Variants in PI16 observed in about 807,000 individuals in gnomAD.
The protein encoded by PI16 is PSP94-binding protein.
PI16 carries 35 observed loss-of-function variants against 38.0 expected under a neutral mutation model. The ratio of observed to expected loss-of-function variants is 0.92; its 90% CI spans 0.70 to 1.22. PI16 has a LOEUF of 1.22. Ranked by LOEUF, PI16 falls within the 50% of genes most tolerant of loss-of-function variation. The probability of loss-of-function intolerance (pLI) is 0.00; values close to 1 mark genes in which losing one functional copy is unlikely to be tolerated. For synonymous variants in PI16, 275 were observed against 252.9 expected (o/e 1.09, Z -0.83); for missense variants, 572 against 593.8 (o/e 0.96, Z 0.38).
Position 36,963,195 on chromosome 6 carries a change from A to G in PI16, c.853A>G (p.Thr285Ala). ...GGCAACAGAGGCTCCACCTTGCGTA[A>G]CAACTGAGGTCCCTTCCATTTTGGC... is the stretch of plus-strand genomic sequence containing the variant. The part of the protein sequence containing the change: ...SMATEAPPCV[T>A]TEVPSILAAH... Residue 285 changes from threonine (T) to alanine (A), a missense_variant, in exon 5 of 7, where the codon ACA becomes GCA. Transcript: ENST00000373674. The G allele has an allele frequency of 6.2e-7, 1 of 1,614,264 alleles. No individual in the cohort carries two copies.
intron 1 of PI16, among the ~76,000 whole-genome samples, chr6:36,957,188 T>C (rs1219809469): frequency 6.6e-6 from 1 of 152,180 alleles, no homozygotes; most frequent in African/African-American, 2.4e-5. Flanking sequence ...GTTCTGTGTG[T>C]TCTGGCCCCT....
intron 6 of PI16, 29 bp downstream of exon 6, chr6:36,963,991 T>C (rs775722838): frequency 5.0e-6 from 8 of 1,584,454 alleles, no homozygotes; most frequent in Non-Finnish European, 6.9e-6. Flanking sequence ...GGCCCTGGCC[T>C]CATACCCACC....
chr6:36,948,682 T>TCCCTCCTC (rs1561891322), intron 1 of PI16, among the ~76,000 whole-genome samples: 1 of 106,316 alleles, frequency 9.4e-6, no homozygotes. Flanking sequence ...CCTCCCTCCT[T>TCCCTCCTC]CCTCCCTCCT....
intron 1 of PI16, among the ~76,000 whole-genome samples, chr6:36,955,225 A>T (rs1335029362): frequency 1.3e-5 from 2 of 152,212 alleles, no homozygotes; most frequent in Non-Finnish European, 2.9e-5. Context: ...CACAGCTGGT[A>T]GAGCCAGACC....
chr6:36,959,135 T>G lies in PI16; in HGVS notation c.172-10T>G, dbSNP rs1382391255. The G allele has an allele frequency of 6.2e-7, 1 of 1,600,828 alleles. No homozygotes were observed. Among genetic ancestry groups the G allele is most frequent in the African/African-American group, 1.3e-5 (1 of 74,752 alleles). On this transcript the variant is annotated splice_polypyrimidine_tract_variant and intron_variant, in intron 1 of 6. Transcript: ENST00000373674. ...GCATCCTCACCTCCCTTCTCTCACC[T>G]GCCCTGCAGAGATGGGACGAGGAGC... is the stretch of plus-strand genomic sequence containing the variant.
At position 36,959,319 on chromosome 6, in the gene PI16, A is replaced by G. The variant is rs1223194637; in HGVS notation, c.346A>G (p.Ser116Gly). The G allele has an allele frequency of 6.3e-7, 1 of 1,578,568 alleles. No individual in the cohort carries two copies. The highest frequency in any genetic ancestry group is 8.6e-7 in the Non-Finnish European group (1 of 1,162,508). Residue 116 changes from serine (S) to glycine (G), a missense_variant, in exon 2 of 7, where the codon AGC (serine) becomes GGC (glycine). Ser to Gly is a moderately conservative substitution (Grantham distance 56). Coordinates refer to ENST00000373674, the MANE Select transcript of PI16 (RefSeq NM_153370.3). ...WHHEREHYNL[S>G]AATCSPGQMC... is the part of the protein sequence containing the mutation. ...CCACGAGCGTGAGCACTACAACCTC[A>G]GCGCCGCCACCTGCAGCCCAGGCCA...
rs1219968283 is a variant in PI16, at chr6:36,954,925, G to A, written c.165G>A (p.Leu55=). ...TATCCCCGACGGCCTCAGACATGCT[G>A]CACATGGTAAGTGTGGCCACGGCCC... ...AQVSPTASDM[L]HMRWDEELAA... The change falls in exon 1 of 7, where the codon CTG becomes CTA. Residue 55 remains leucine (L), a synonymous_variant. Transcript: ENST00000373674. The A allele has an allele frequency of 2.5e-6, 4 of 1,612,832 alleles. No homozygotes were observed. Among genetic ancestry groups the A allele is most frequent in the Non-Finnish European group, 3.4e-6 (4 of 1,179,864 alleles).
At chr6:36,963,722 C>T (rs776641143) in intron 5 of PI16, 101 bp from the exon 6 acceptor site, 4 of 1,532,916 alleles carry the variant, frequency 2.6e-6, no homozygotes, top group Non-Finnish European at 3.5e-6. Flanking sequence ...TGAGTAGGAG[C>T]TTCCTCCCTG....
At chr6:36,950,833 G>A (rs531865406), upstream of PI16, among the ~76,000 whole-genome samples, 157 of 152,164 alleles carry the variant, frequency 1.0e-3, 1 homozygote, top group African/African-American at 3.3e-3. This position sits in a 1 kb window ranked among gnomAD's most constrained non-coding sequence, Gnocchi z 4.2. Flanking sequence ...TTGAGCCACC[G>A]TGCCCGGCCA....
upstream of PI16, among the ~76,000 whole-genome samples, chr6:36,950,619 C>T (rs1188889291): frequency 6.6e-6 from 1 of 151,974 alleles, no homozygotes; most frequent in African/African-American, 2.4e-5. This position sits in a 1 kb window ranked among gnomAD's most constrained non-coding sequence, Gnocchi z 4.2. Flanking sequence ...TCTCGGCTCA[C>T]CGCAACCTCC....
intron 1 of PI16, 142 bp downstream of exon 1, chr6:36,955,073 G>C: frequency 7.1e-7 from 1 of 1,401,886 alleles, no homozygotes; most frequent in Non-Finnish European, 9.3e-7. Flanking sequence ...GAGTCCCCGA[G>C]TCCCTGACAT....
chr6:36,959,912 A>AG lies in PI16; in HGVS notation c.393+550dup, dbSNP rs1275246680. Among the ~76,000 whole-genome samples the AG allele has an allele frequency of 1.9e-3, 294 of 151,818 alleles. 1 individual carries two copies. The highest frequency in any genetic ancestry group is 6.1e-3 in the African/African-American group (254 of 41,428). On this transcript the variant is annotated intron_variant, in intron 2 of 6. Transcript: ENST00000373674. ...TAAATAAATAAATAAATAAATAAAA[A>AG]GGGGTGGGGACGGTGGGACATGTTA...
chr6:36,963,476 C>A lies in PI16; in HGVS notation c.1134C>A (p.Asp378Glu). The A allele has an allele frequency of 6.2e-7, 1 of 1,614,156 alleles. No individual in the cohort carries two copies. Among genetic ancestry groups the A allele is most frequent in the Non-Finnish European group, 8.5e-7 (1 of 1,180,038 alleles). ...EVLASVFPAQ[D>E]KPGELQATLD... is the part of the protein sequence containing the mutation. ...TGGCCTCAGTTTTTCCAGCCCAGGA[C>A]AAGCCAGGTGAGCTGCAGGCCACAC... The change falls in exon 5 of 7, where the codon GAC becomes GAA. Residue 378 changes from aspartate (D) to glutamate (E), a missense_variant. Coordinates refer to ENST00000373674, the MANE Select transcript of PI16 (RefSeq NM_153370.3).
rs1483562513 is a variant in PI16 at position 36,962,943 on chromosome 6, G to C, written c.601G>C (p.Gly201Arg). ...CTCGTCTGTCTTATCAGAACCCATC[G>C]GAAGCCCGGAAGATGCTCAGGATTT... ...HCKNSLCEPI[G>R]SPEDAQDLPY... The change falls in exon 5 of 7, where the codon GGA becomes CGA. Residue 201 changes from glycine (G) to arginine (R), a missense_variant. Coordinates refer to ENST00000373674, the MANE Select transcript of PI16 (RefSeq NM_153370.3). This position sits in a 1 kb window ranked among gnomAD's most constrained non-coding sequence, Gnocchi z 4.1. 6.2e-7 allele frequency: 1 copy of C among 1,612,148 alleles called. No individual in the cohort carries two copies. Among genetic ancestry groups the C allele is most frequent in the Non-Finnish European group, 8.5e-7 (1 of 1,178,770 alleles).
At chr6:36,958,064 G>A (rs1763251617) in intron 1 of PI16, among the ~76,000 whole-genome samples, 1 of 152,236 alleles carries the variant, frequency 6.6e-6, no homozygotes, top group Admixed American at 6.5e-5. Context: ...TCCCAGCCAG[G>A]TGCACCCATC....
chr6:36,955,112 C>A (rs1415268538), intron 1 of PI16, among the ~76,000 whole-genome samples, 181 bp downstream of exon 1: 1 of 152,144 alleles, frequency 6.6e-6, no homozygotes, highest in South Asian at 2.1e-4. Flanking sequence ...ATGGCAAAAA[C>A]CACAATTACT....
upstream of PI16, among the ~76,000 whole-genome samples, chr6:36,950,595 G>A (rs771178019): frequency 8.6e-5 from 13 of 151,530 alleles, no homozygotes; most frequent in Middle Eastern, 3.4e-3. The surrounding 1 kb of genome is among the most constrained non-coding windows in gnomAD (Gnocchi z 4.2). Context: ...CCAGGCTGGA[G>A]AGCAATGGCA....
chr6:36,952,205 G>C (rs1356408104), upstream of PI16, among the ~76,000 whole-genome samples: 2 of 151,968 alleles, frequency 1.3e-5, no homozygotes, highest in Non-Finnish European at 2.9e-5. Flanking sequence ...TGTTGGCCAG[G>C]CTGGTCTCGA....
chr6:36,948,969 A>AT (rs1320479051), intron 1 of PI16, among the ~76,000 whole-genome samples: 1 of 151,190 alleles, frequency 6.6e-6, no homozygotes, highest in Non-Finnish European at 1.5e-5. Context: ...TAATTTTTGG[A>AT]TTTTTAGTAG....
Sources: allele counts gnomAD v4.1 joint callset (sites outside exome capture counted in the v4.1 genomes callset), GRCh38; gene constraint gnomAD v4.1.1; non-coding constraint Gnocchi (gnomAD v3.1); transcripts MANE v1.5; gene names NCBI Gene and HGNC (gene_info 2026-07-23, HGNC 2026-07-21).